The following CPLX2 variants were observed in gnomAD, a reference collection of about 807,000 sequenced individuals.
The protein encoded by CPLX2 is complexin 2, also known as complexin-2.
A neutral mutation model predicts 16.3 loss-of-function variants in CPLX2; 5 were observed. The observed-to-expected ratio is 0.31, with a 90% CI of 0.16 to 0.64. CPLX2 has a LOEUF of 0.64. Ranked by LOEUF, CPLX2 falls within the 30% of genes least tolerant of loss-of-function variation. CPLX2 has a pLI of 0.79. For missense variants in CPLX2, 144 were observed against 181.4 expected (o/e 0.79, Z 1.18); for synonymous variants, 89 against 73.2 (o/e 1.22, Z -1.10).
intron 2 of CPLX2, among the ~76,000 whole-genome samples, chr5:175,850,006 C>T (rs1398387823): frequency 6.6e-6 from 1 of 152,254 alleles, no homozygotes; most frequent in Non-Finnish European, 1.5e-5. Context: ...GAGCCACATA[C>T]ACAGAAGTCA....
At chr5:175,853,653 G>A (rs185726903) in intron 2 of CPLX2, among the ~76,000 whole-genome samples, 1 of 152,288 alleles carries the variant, frequency 6.6e-6, no homozygotes, top group Admixed American at 6.5e-5. Flanking sequence ...AGAGGAGACG[G>A]TACAAAGTCA....
intron 1 of CPLX2, among the ~76,000 whole-genome samples, chr5:175,799,539 C>CATATATATATATATATAT (rs70988299): frequency 1.4e-5 from 1 of 72,262 alleles, no homozygotes; most frequent in Non-Finnish European, 2.6e-5. Context: ...TTGCAAATTT[C>CATATATATATATATATAT]ATATATATAT....
chr5:175,863,212 T>C (rs899883619), intron 2 of CPLX2, among the ~76,000 whole-genome samples: 5 of 152,184 alleles, frequency 3.3e-5, no homozygotes, highest in Non-Finnish European at 7.4e-5. Context: ...CCTTGAGACC[T>C]AGAACACCCA....
upstream of CPLX2, chr5:175,871,447 G>GAGAA (rs1561790405): frequency 1.7e-4 from 16 of 95,784 alleles, no homozygotes; most frequent in African/African-American, 6.3e-4. Context: ...GAGAGAGAGA[G>GAGAA]AGAGAGAGAG....
At chr5:175,804,581 G>A (rs540085654) in intron 1 of CPLX2, among the ~76,000 whole-genome samples, 6 of 152,280 alleles carry the variant, frequency 3.9e-5, no homozygotes, top group African/African-American at 1.2e-4. Context: ...GTCCTCTAGC[G>A]CCTGGCTACT....
intron 2 of CPLX2, among the ~76,000 whole-genome samples, chr5:175,860,538 AAGATAGAT>A (rs1225816784): frequency 6.3e-3 from 188 of 29,686 alleles, no homozygotes; most frequent in African/African-American, 0.024. Context: ...GAAAGAAAGA[AAGATAGAT>A]AGAAAGAAAG....
chr5:175,876,088 G>GT (rs1395529138), intron 1 of CPLX2, among the ~76,000 whole-genome samples: 1 of 152,038 alleles, frequency 6.6e-6, no homozygotes, highest in Non-Finnish European at 1.5e-5. Flanking sequence ...AGGTAAATGT[G>GT]TTTTTTTACT....
At chr5:175,797,466 G>A (rs1758010437) in intron 1 of CPLX2, among the ~76,000 whole-genome samples, 2 of 152,262 alleles carry the variant, frequency 1.3e-5, no homozygotes, top group South Asian at 4.1e-4. Flanking sequence ...AGGTCCCGGC[G>A]GGGAGGAAGG....
At chr5:175,817,822 G>A (rs550195210) in intron 2 of CPLX2, among the ~76,000 whole-genome samples, 76 of 152,294 alleles carry the variant, frequency 5.0e-4, no homozygotes, top group Non-Finnish European at 9.1e-4. Context: ...AGGAAACAGA[G>A]AAACCCATCA....
At chr5:175,859,024 G>T (rs1759313280) in intron 2 of CPLX2, among the ~76,000 whole-genome samples, 1 of 152,220 alleles carries the variant, frequency 6.6e-6, no homozygotes, top group African/African-American at 2.4e-5. Flanking sequence ...ACAAGACGAT[G>T]GAGCCTCCAT....
At chr5:175,803,253 G>A (rs1318622869) in intron 1 of CPLX2, among the ~76,000 whole-genome samples, 2 of 152,196 alleles carry the variant, frequency 1.3e-5, no homozygotes, top group Non-Finnish European at 2.9e-5. Flanking sequence ...CTGGGCAGCT[G>A]TATGAGCCAA....
At position 175,804,088 on chromosome 5, in the gene CPLX2, TA is replaced by T. The variant is rs546526693; in HGVS notation, c.-168-4898del. Among the ~76,000 whole-genome samples, 1,155 of 152,262 alleles carry T rather than the reference TA, an allele frequency of 7.6e-3. 10 individuals carry two copies. Among genetic ancestry groups the T allele is most frequent in the African/African-American group, 0.023 (965 of 41,564 alleles). ...AATAACTTTTTATGCAATTTTTTTT[TA>T]AATTAATGCAAAAAAACCGTGATGA... On this transcript the variant is annotated intron_variant, in intron 1 of 4. Coordinates refer to the CPLX2 transcript ENST00000359546.
intron 2 of CPLX2, among the ~76,000 whole-genome samples, chr5:175,835,654 A>C (rs2113662300): frequency 6.6e-6 from 1 of 152,014 alleles, no homozygotes; most frequent in East Asian, 1.9e-4. Flanking sequence ...GTTGAAATCA[A>C]ATTATTTATT....
chr5:175,812,203 C>T (rs1758323794), intron 2 of CPLX2, among the ~76,000 whole-genome samples: 2 of 152,244 alleles, frequency 1.3e-5, no homozygotes, highest in African/African-American at 4.8e-5. Flanking sequence ...CCTATAGCCT[C>T]ACCATGCGGA....
chr5:175,805,555 C>A (rs1758182810), intron 1 of CPLX2: 1 of 152,346 alleles, frequency 6.6e-6, no homozygotes, highest in African/African-American at 2.4e-5. Context: ...TCCAGACCAC[C>A]TCCCTCACCT....
At chr5:175,860,434 AAGAAAGAGAAAGAAAGAG>A (rs1409232232) in intron 2 of CPLX2, among the ~76,000 whole-genome samples, 14 of 146,358 alleles carry the variant, frequency 9.6e-5, no homozygotes, top group African/African-American at 3.2e-4. Flanking sequence ...GGAAGGAAGG[AAGAAAGAGAAAGAAAGAG>A]AGAGAAAGAA....
chr5:175,854,565 G>A (rs1351150840), intron 2 of CPLX2, among the ~76,000 whole-genome samples: 1 of 152,190 alleles, frequency 6.6e-6, no homozygotes, highest in Non-Finnish European at 1.5e-5. Flanking sequence ...CTGGCAGGTG[G>A]TGAGCACTCA....
intron 2 of CPLX2, among the ~76,000 whole-genome samples, chr5:175,860,627 G>A (rs910324473): frequency 6.6e-5 from 10 of 151,566 alleles, no homozygotes; most frequent in African/African-American, 2.2e-4. Flanking sequence ...AGGAAGGAAG[G>A]AAGGAAGGAA....
At chr5:175,799,712 T>C (rs1180637298) in intron 1 of CPLX2, among the ~76,000 whole-genome samples, 1 of 151,490 alleles carries the variant, frequency 6.6e-6, no homozygotes, top group Non-Finnish European at 1.5e-5. Context: ...TTTATTTTTT[T>C]TGTAGAAATG....
Sources: allele counts gnomAD v4.1 joint callset (sites outside exome capture counted in the v4.1 genomes callset), GRCh38; gene constraint gnomAD v4.1.1; transcripts MANE v1.5; gene names NCBI Gene and HGNC (gene_info 2026-07-23, HGNC 2026-07-21).